UPK3A: variants seen among roughly 807,000 people sequenced by gnomAD.
UPK3A encodes the protein uroplakin-3a.
In UPK3A, 32 loss-of-function variants were observed where a neutral mutation model predicts 27.6. That is an observed-to-expected ratio of 1.16 (90% CI 0.87 to 1.55). UPK3A has a LOEUF of 1.55. Among genes scored for constraint, UPK3A ranks in the 40% most tolerant of loss-of-function variants. The probability of loss-of-function intolerance (pLI) is 0.00; values close to 1 mark genes in which losing one functional copy is unlikely to be tolerated. For synonymous variants in UPK3A, 171 were observed against 163.9 expected, an observed-to-expected ratio of 1.04 and a Z score of -0.33; for missense variants, 370 against 367.9, an observed-to-expected ratio of 1.01 and a Z score of -0.05.
intron 5 of UPK3A, among the ~76,000 whole-genome samples, chr22:45,294,034 GA>G (rs1206630276): frequency 6.6e-6 from 1 of 152,132 alleles, no homozygotes; most frequent in Non-Finnish European, 1.5e-5. Context: ...CCAGGCAGGG[GA>G]CAAACCAAGG....
intron 4 of UPK3A, among the ~76,000 whole-genome samples, chr22:45,290,739 C>T (rs1394628491): frequency 1.3e-5 from 2 of 152,136 alleles, no homozygotes; most frequent in Non-Finnish European, 2.9e-5. Context: ...GCGAGTGAAA[C>T]TTCATCTGCA....
chr22:45,291,338 G>A (rs1380007837), intron 4 of UPK3A, among the ~76,000 whole-genome samples: 5 of 150,310 alleles, frequency 3.3e-5, no homozygotes, highest in East Asian at 2.0e-4. Context: ...TGTGGTTAGC[G>A]TGAGAGTATG....
At chr22:45,295,524 T>C (rs957260778) in intron 5 of UPK3A, 36 bp from the exon 6 acceptor site, 1 of 1,613,872 alleles carries the variant, frequency 6.2e-7, no homozygotes, top group Non-Finnish European at 8.5e-7. Context: ...TTTGCTCTGG[T>C]CCCCTAATCC....
At chr22:45,286,233 C>A in intron 2 of UPK3A, 137 bp downstream of exon 2, 1 of 1,176,084 alleles carries the variant, frequency 8.5e-7, no homozygotes, top group Non-Finnish European at 1.2e-6. Context: ...ACAGACCTGT[C>A]CTTGCCTTGC....
Position 45,289,312 on chromosome 22 carries a change from C to T in UPK3A, c.571+169C>T, listed in dbSNP as rs149724794. Among the ~76,000 whole-genome samples the T allele has an allele frequency of 2.9e-4, 44 of 152,104 alleles. 1 individual carries two copies. The South Asian group carries it at 7.7e-3, about 27-fold the overall frequency. On this transcript the variant is annotated intron_variant, in intron 4 of 5. Transcript: ENST00000216211. ...TTGAGCCAGGCCAGGTGTGGTGGCTCACATCTGTAATCCCAGCCTTTGGGA... is the reference window on the plus strand; with the variant it reads ...TTGAGCCAGGCCAGGTGTGGTGGCTTACATCTGTAATCCCAGCCTTTGGGA...
Position 45,287,299 on chromosome 22 carries a change from C to A in UPK3A, c.336C>A (p.Asp112Glu), listed in dbSNP as rs1335086652. The A allele has an allele frequency of 1.2e-6, 2 of 1,614,104 alleles. No individual in the cohort carries two copies. The highest frequency in any genetic ancestry group is 3.3e-5 in the Admixed American group (2 of 60,006). ...CCTTTGACCTGATCCCCTGCAGTGACCTGCCCAGCCTGGATGCCATTGGGG... is the reference window on the plus strand; with the variant it reads ...CCTTTGACCTGATCCCCTGCAGTGAACTGCCCAGCCTGGATGCCATTGGGG... ...AVAFDLIPCS[D>E]LPSLDAIGDV... The change falls in exon 3 of 6, where the codon GAC becomes GAA. Residue 112 changes from aspartate to glutamate, a missense_variant. By Grantham distance (45) the Asp-to-Glu change is conservative. Coordinates refer to ENST00000216211, the MANE Select transcript of UPK3A (RefSeq NM_006953.4).
chr22:45,291,842 A>G (rs1455674532), intron 4 of UPK3A, among the ~76,000 whole-genome samples: 1 of 127,674 alleles, frequency 7.8e-6, no homozygotes. Flanking sequence ...TCTGAGTGTG[A>G]CTGTGTATGT....
intron 3 of UPK3A, among the ~76,000 whole-genome samples, chr22:45,287,963 C>G (rs1201987199): frequency 6.6e-6 from 1 of 152,190 alleles, no homozygotes; most frequent in Non-Finnish European, 1.5e-5. Context: ...CCATGCCTGG[C>G]CCATCTTGAA....
At chr22:45,290,298 T>A (rs1023091125) in intron 4 of UPK3A, among the ~76,000 whole-genome samples, 5 of 152,202 alleles carry the variant, frequency 3.3e-5, no homozygotes, top group Admixed American at 3.3e-4. Flanking sequence ...CGAGGCTGTC[T>A]GGCAGGATGA....
chr22:45,295,357 C>T (rs896480483), intron 5 of UPK3A, among the ~76,000 whole-genome samples: 6 of 152,098 alleles, frequency 3.9e-5, no homozygotes, highest in African/African-American at 1.4e-4. Flanking sequence ...AAGTTGTTCA[C>T]ATCATTCCAA....
At chr22:45,292,659 A>G (rs1286893875) in intron 4 of UPK3A, among the ~76,000 whole-genome samples, 2 of 152,058 alleles carry the variant, frequency 1.3e-5, no homozygotes, top group Non-Finnish European at 1.5e-5. Context: ...ATCCCAACAC[A>G]TTGGGAGGCT....
intron 4 of UPK3A, among the ~76,000 whole-genome samples, chr22:45,291,562 G>A (rs572288734): frequency 1.2e-3 from 180 of 151,542 alleles, no homozygotes; most frequent in African/African-American, 4.2e-3. Flanking sequence ...GTGGCAGTGT[G>A]TGTGCGTGTG....
chr22:45,294,416 C>CA (rs572990255), intron 5 of UPK3A, among the ~76,000 whole-genome samples: 2 of 151,326 alleles, frequency 1.3e-5, no homozygotes, highest in East Asian at 1.9e-4. Flanking sequence ...CTGGTACACC[C>CA]CCCCCGGGAG....
At chr22:45,292,635 G>A (rs2084169381) in intron 4 of UPK3A, among the ~76,000 whole-genome samples, 1 of 152,154 alleles carries the variant, frequency 6.6e-6, no homozygotes, top group Admixed American at 6.5e-5. Flanking sequence ...CTCTGGTGGT[G>A]GCTCACACCT....
chr22:45,288,023 C>A (rs2084131606), intron 3 of UPK3A, among the ~76,000 whole-genome samples: 1 of 151,996 alleles, frequency 6.6e-6, no homozygotes, highest in African/African-American at 2.4e-5. Context: ...CTCTGGGGCC[C>A]ACAGATTATG....
Position 45,287,419 on chromosome 22 carries a change from TA to T in UPK3A, c.458del (p.Asn153ThrfsTer24), listed in dbSNP as rs1161947443. ...GGGATCCCAACTTCCAGGGCCTCTGTAACGCACCCCTGTCGGCAGCCACGGA... is the reference window on the plus strand; with the variant it reads ...GGGATCCCAACTTCCAGGGCCTCTGTACGCACCCCTGTCGGCAGCCACGGA... ...LWDPNFQGLC[N>X]APLSAATEYR... is the part of the protein sequence containing the mutation. On this transcript the variant is annotated frameshift_variant, in exon 3 of 6. Coordinates refer to ENST00000216211, the MANE Select transcript of UPK3A (RefSeq NM_006953.4). LOFTEE classifies it high-confidence loss of function. 1 of 1,609,152 alleles carries T rather than the reference TA, an allele frequency of 6.2e-7. No individual in the cohort carries two copies. The highest frequency in any genetic ancestry group is 2.2e-5 in the East Asian group (1 of 44,748).
At chr22:45,295,216 C>T (rs2084186971) in intron 5 of UPK3A, among the ~76,000 whole-genome samples, 1 of 152,082 alleles carries the variant, frequency 6.6e-6, no homozygotes, top group Admixed American at 6.6e-5. Flanking sequence ...TCCAGGAAGC[C>T]TTCCTGCAGC....
intron 3 of UPK3A, 135 bp from the exon 4 acceptor site, chr22:45,288,926 G>A (rs1313888375): frequency 9.8e-6 from 8 of 812,254 alleles, no homozygotes; most frequent in African/African-American, 1.7e-5. Context: ...CTCAGTAGCC[G>A]TCTACATTTC....
chr22:45,287,166 C>CT lies in UPK3A; in HGVS notation c.209-5dup. 1 of 1,614,056 alleles carries CT rather than the reference C, an allele frequency of 6.2e-7. No homozygotes were observed. The highest frequency in any genetic ancestry group is 8.5e-7 in the Non-Finnish European group (1 of 1,180,050). On this transcript the variant is annotated splice_region_variant and splice_polypyrimidine_tract_variant and intron_variant, in intron 2 of 5. Coordinates refer to ENST00000216211, the MANE Select transcript of UPK3A (RefSeq NM_006953.4). The stretch of plus-strand genomic sequence containing the variant: ...AGAAGCCTGACTCCCTGCACCGCCT[C>CT]TGCAGCCATTTCCAGGAATGCCTCA...
Sources: gnomAD v4.1 joint callset for allele counts (sites outside exome capture counted in the v4.1 genomes callset) on GRCh38, gnomAD v4.1.1 for gene constraint, MANE v1.5 for transcripts, NCBI Gene and HGNC (gene_info 2026-07-23, HGNC 2026-07-21) for gene names.